FLNB: variants seen among roughly 807,000 people sequenced by gnomAD.
FLNB encodes filamin B, also known as filamin-B.
In FLNB, 111 loss-of-function variants were observed where a neutral mutation model predicts 250.6. The observed-to-expected ratio is 0.44, with a 90% confidence interval of 0.38 to 0.52. The LOEUF (loss-of-function observed/expected upper bound fraction) is 0.52. Ranked by LOEUF, FLNB falls within the 20% of genes least tolerant of loss-of-function variation. The pLI is 0.00. For synonymous variants in FLNB, 1,302 were observed against 1,372.1 expected (o/e 0.95, Z 1.13); for missense variants, 2,869 against 3,447.8 (o/e 0.83, Z 4.20).
Position 58,108,598 on chromosome 3 carries a change from G to C in FLNB, c.2055+27G>C, listed in dbSNP as rs2097263497. ...TAAATTTCAGGGGGCCACCTGTGCA[G>C]GTAATTGTCAGGTAACAAGATCTGA... On this transcript the variant is annotated intron_variant, in intron 13 of 45. Transcript: ENST00000295956. 3 of 1,448,626 alleles carry C rather than the reference G, an allele frequency of 2.1e-6. No individual in the cohort carries two copies. In the African/African-American group the frequency reaches 4.2e-5, roughly 20 times the overall value. The allele number at this position is 1,448,626 out of a possible 1,614,324, so 89.7% of individuals were successfully genotyped here. A position where few individuals can be genotyped will look rare whatever the true frequency, so the allele number is the denominator to read the frequency against.
At chr3:58,153,001 A>G in intron 38 of FLNB, 1 of 350,070 alleles carries the variant, frequency 2.9e-6, no homozygotes. Flanking sequence ...GGACTTACAT[A>G]TGTTCACCTT....
At chr3:58,121,197 T>A (rs762445474) in intron 19 of FLNB, 44 bp from the exon 20 acceptor site, 1 of 1,614,008 alleles carries the variant, frequency 6.2e-7, no homozygotes, top group Non-Finnish European at 8.5e-7. Context: ...TTCCTGCTGC[T>A]GAAAAGGGTC....
Position 58,163,296 on chromosome 3 carries a change from C to T in FLNB, c.7164C>T (p.Ser2388=), listed in dbSNP as rs757418085. The part of the protein sequence containing the change: ...PGQAGNPALV[S]AYGTGLEGGT... ...AAGCGGGGAACCCTGCCCTGGTGTC[C>T]GCCTATGGCACGGGACTCGAAGGGG... is the stretch of plus-strand genomic sequence containing the variant. Residue 2388 remains serine (S), a synonymous_variant, in exon 43 of 46, where the codon TCC becomes TCT. Coordinates refer to ENST00000295956, the MANE Select transcript of FLNB (RefSeq NM_001457.4). 68 of 1,614,064 alleles carry T rather than the reference C, an allele frequency of 4.2e-5. 1 individual carries two copies. The Admixed American group carries it at 7.2e-4, about 17-fold the overall frequency.
At chr3:58,148,942 T>C in intron 36 of FLNB, 90 bp downstream of exon 36, 1 of 1,157,806 alleles carries the variant, frequency 8.6e-7, no homozygotes, top group Non-Finnish European at 1.3e-6. Flanking sequence ...TACCAACTCC[T>C]TTTCCTTTCT....
At chr3:58,031,543 C>T (rs1376817185) in intron 1 of FLNB, among the ~76,000 whole-genome samples, 2 of 77,152 alleles carry the variant, frequency 2.6e-5, no homozygotes, top group East Asian at 4.7e-4. Context: ...CGTGCCCTGC[C>T]TTTTTTTTTT....
intron 19 of FLNB, 28 bp from the exon 20 acceptor site, chr3:58,121,213 T>C (rs751054545): frequency 9.9e-6 from 16 of 1,614,176 alleles, no homozygotes; most frequent in Non-Finnish European, 1.4e-5. Flanking sequence ...GGGTCAGCTC[T>C]TCACCTCAGC....
rs549599796 is a variant in FLNB at position 58,119,215 on chromosome 3, G to A, written c.2863+226G>A. Among the ~76,000 whole-genome samples, 3 of 152,182 alleles carry A rather than the reference G, an allele frequency of 2.0e-5. No homozygotes were observed. In the South Asian group the frequency reaches 6.2e-4, roughly 32 times the overall value. On this transcript the variant is annotated intron_variant, in intron 19 of 45. Coordinates refer to ENST00000295956, the MANE Select transcript of FLNB (RefSeq NM_001457.4). Reference sequence around the variant, plus strand: ...CAGCTTTCTCATTTGTACAGTGGGGGGTGGTCGGCGGGGAGAGGTTGAGAA... The same window carrying A: ...CAGCTTTCTCATTTGTACAGTGGGGAGTGGTCGGCGGGGAGAGGTTGAGAA...
chr3:58,058,932 C>T (rs746884731), intron 1 of FLNB, among the ~76,000 whole-genome samples: 1 of 152,206 alleles, frequency 6.6e-6, no homozygotes, highest in African/African-American at 2.4e-5. Flanking sequence ...AGTGGACTTA[C>T]CCAAACTATC....
At chr3:58,093,005 C>T (rs1404735758) in intron 4 of FLNB, among the ~76,000 whole-genome samples, 1 of 152,190 alleles carries the variant, frequency 6.6e-6, no homozygotes, top group Non-Finnish European at 1.5e-5. Context: ...CTCAAAACTG[C>T]CCCTGACTTC....
intron 12 of FLNB, 129 bp from the exon 13 acceptor site, chr3:58,108,329 T>A: frequency 1.4e-6 from 1 of 712,246 alleles, no homozygotes; most frequent in Non-Finnish European, 2.6e-6. Context: ...AACCAACCTC[T>A]TATGTGGATA....
In FLNB at chr3:58,138,563, A is replaced by G. The variant is rs867227017; in HGVS notation, c.5109+34A>G. The G allele has an allele frequency of 3.1e-6, 5 of 1,613,582 alleles. No homozygotes were observed. The South Asian group carries it at 5.5e-5, about 18-fold the overall frequency. ...AATTCCTTCTCCCGAGCATGCTGTT[A>G]TTGGTGGAAACTGTAACAGCTGCCG... On this transcript the variant is annotated intron_variant, in intron 29 of 45. Coordinates refer to ENST00000295956, the MANE Select transcript of FLNB (RefSeq NM_001457.4).
chr3:58,086,130 G>A (rs542646902), intron 4 of FLNB, among the ~76,000 whole-genome samples: 2 of 150,532 alleles, frequency 1.3e-5, no homozygotes, highest in Non-Finnish European at 3.0e-5. Context: ...CTAGTAGTTC[G>A]GACCACAGGT....
In FLNB at chr3:58,127,542, A is replaced by T. The variant is rs933843698; in HGVS notation, c.4222+780A>T. ...GCACTATGACACTTTGGGCTAGATG[A>T]TTCTTTGTGGTGTGGGGCTGTCCTG... On this transcript the variant is annotated intron_variant, in intron 24 of 45. Coordinates refer to ENST00000295956, the MANE Select transcript of FLNB (RefSeq NM_001457.4). 5.3e-5 allele frequency among the ~76,000 whole-genome samples: 8 copies of T among 152,078 alleles called. No individual in the cohort carries two copies. In the East Asian group the frequency reaches 7.7e-4, roughly 15 times the overall value.
At chr3:58,009,470 G>T (rs549082169) in intron 1 of FLNB, among the ~76,000 whole-genome samples, 1 of 152,274 alleles carries the variant, frequency 6.6e-6, no homozygotes, top group Admixed American at 6.5e-5. Context: ...TCTGCTCCCA[G>T]CTCAGCTCTG....
intron 24 of FLNB, among the ~76,000 whole-genome samples, chr3:58,129,921 C>A (rs1246752125): frequency 1.3e-5 from 2 of 152,204 alleles, no homozygotes; most frequent in Non-Finnish European, 2.9e-5. Context: ...CTGTTTAGCA[C>A]TTCTCTAGCA....
At chr3:58,029,913 A>G (rs2097128518) in intron 1 of FLNB, among the ~76,000 whole-genome samples, 1 of 152,166 alleles carries the variant, frequency 6.6e-6, no homozygotes, top group South Asian at 2.1e-4. Context: ...GCTCTCATCT[A>G]TAAACTGGGA....
chr3:58,159,256 C>T (rs2097357795), intron 41 of FLNB, among the ~76,000 whole-genome samples: 1 of 152,108 alleles, frequency 6.6e-6, no homozygotes, highest in Non-Finnish European at 1.5e-5. Context: ...CCTGCATGGG[C>T]ATTATTTTGG....
chr3:58,032,136 G>A (rs920078421), intron 1 of FLNB, among the ~76,000 whole-genome samples: 3 of 148,686 alleles, frequency 2.0e-5, no homozygotes, highest in Admixed American at 6.7e-5. Flanking sequence ...GTAGAGACAG[G>A]GTTGCCCAGG....
chr3:58,090,369 A>T (rs1424382053), intron 4 of FLNB, among the ~76,000 whole-genome samples: 1 of 152,198 alleles, frequency 6.6e-6, no homozygotes. Flanking sequence ...CTTAATTTTT[A>T]AATAGAAGAT....
Sources: gnomAD v4.1 joint callset for allele counts (sites outside exome capture counted in the v4.1 genomes callset) on GRCh38, gnomAD v4.1.1 for gene constraint, MANE v1.5 for transcripts, NCBI Gene and HGNC (gene_info 2026-07-23, HGNC 2026-07-21) for gene names.